OLFML2A: variants seen among roughly 807,000 people sequenced by gnomAD.
The protein encoded by OLFML2A is olfactomedin-like protein 2A.
A neutral mutation model predicts 60.9 loss-of-function variants in OLFML2A; 47 were observed. That is an observed-to-expected ratio of 0.77 (90% CI 0.61 to 0.98). The LOEUF is 0.98. Ranked by LOEUF, OLFML2A falls within the 50% of genes least tolerant of loss-of-function variation. The pLI is 0.00. For missense variants in OLFML2A, 922 were observed against 879.8 expected (o/e 1.05, Z -0.61); for synonymous variants, 372 against 375.0 (o/e 0.99, Z 0.09).
rs568584759 is a variant in OLFML2A, at chr9:124,779,554, G to T, written c.90+2194G>T. Among the ~76,000 whole-genome samples, 8 of 151,946 alleles carry T rather than the reference G, an allele frequency of 5.3e-5. No individual in the cohort carries two copies. The highest frequency in any genetic ancestry group is 1.2e-4 in the African/African-American group (5 of 41,356). ...GGTTGTGTGTGTGTGTGGTGGGGGG[G>T]GGGTGTTTAGCTGTCCCAGGACAAG... On this transcript the variant is annotated intron_variant, in intron 1 of 7. Transcript: ENST00000373580. The surrounding 1 kb of genome is among the most constrained non-coding windows in gnomAD (Gnocchi z 4.1).
intron 1 of OLFML2A, among the ~76,000 whole-genome samples, chr9:124,785,684 G>A (rs1841457449): frequency 1.3e-5 from 2 of 152,130 alleles, no homozygotes; most frequent in Admixed American, 6.5e-5. Flanking sequence ...ACAGGCATGA[G>A]CCACCGCGCC....
At chr9:124,781,779 G>A (rs1434529123) in intron 1 of OLFML2A, among the ~76,000 whole-genome samples, 26 of 147,878 alleles carry the variant, frequency 1.8e-4, no homozygotes, top group African/African-American at 6.5e-4. Flanking sequence ...GGGCAACAGA[G>A]CAAGAATCCG....
At chr9:124,800,300 A>T (rs1841749604) in intron 4 of OLFML2A, among the ~76,000 whole-genome samples, 1 of 152,228 alleles carries the variant, frequency 6.6e-6, no homozygotes, top group African/African-American at 2.4e-5. Flanking sequence ...ACCATTGTTC[A>T]CACTGGCCTT....
rs747415926 is a variant in OLFML2A, at chr9:124,787,222, C to T, written c.338C>T (p.Ala113Val). The stretch of plus-strand genomic sequence containing the variant: ...AAGATGGAGAAACTCAAAAAGCAGG[C>T]GCCCGAGCTCCTCAAGGTAGACTTG... The part of the protein sequence containing the change: ...EWKMEKLKKQ[A>V]PELLKLQSMV... The change falls in exon 2 of 8, where the codon GCG (alanine) becomes GTG (valine). Residue 113 changes from alanine (A) to valine (V), a missense_variant. Physicochemically the swap from Ala to Val is moderately conservative, Grantham distance 64. Transcript: ENST00000373580. The T allele has an allele frequency of 2.0e-5, 32 of 1,613,858 alleles. No homozygotes were observed. In the Middle Eastern group the frequency reaches 2.3e-3, roughly 116 times the overall value.
chr9:124,778,963 A>G, intron 1 of OLFML2A: 1 of 985,210 alleles, frequency 1.0e-6, no homozygotes, highest in Non-Finnish European at 1.2e-6. Context: ...ACGGACAGAT[A>G]AAAGACAGAA....
rs547130478 is a variant in OLFML2A, at chr9:124,807,718, C to T, written c.1169-63C>T. 45 of 1,325,170 alleles carry T rather than the reference C, an allele frequency of 3.4e-5. No individual in the cohort carries two copies. The South Asian group carries it at 4.5e-4, about 13-fold the overall frequency. 82.1% of individuals were successfully genotyped at this position (1,325,170 alleles called of 1,614,324 possible). ...TTAGACCCAGATAACATTCCCAGCC[C>T]GTTGCTCTGGCTGGGGGGCTTGGGG... On this transcript the variant is annotated intron_variant, in intron 6 of 7. Transcript: ENST00000373580.
At chr9:124,785,182 G>A (rs1009644895) in intron 1 of OLFML2A, among the ~76,000 whole-genome samples, 3 of 151,160 alleles carry the variant, frequency 2.0e-5, no homozygotes, top group African/African-American at 2.4e-5. Context: ...TCGAACTCCC[G>A]ACCTCAGGTG....
chr9:124,778,347 C>G (rs549857535), intron 1 of OLFML2A, among the ~76,000 whole-genome samples: 1 of 146,860 alleles, frequency 6.8e-6, no homozygotes, highest in African/African-American at 2.5e-5. Flanking sequence ...GGCGACAGAG[C>G]GAGACTCCGT....
At chr9:124,807,721 T>A in intron 6 of OLFML2A, 60 bp from the exon 7 acceptor site, 1 of 1,364,014 alleles carries the variant, frequency 7.3e-7, no homozygotes, top group Non-Finnish European at 9.9e-7. Context: ...CCCAGCCCGT[T>A]GCTCTGGCTG....
intron 1 of OLFML2A, among the ~76,000 whole-genome samples, chr9:124,783,317 CA>C (rs1841397815): frequency 6.6e-6 from 1 of 152,068 alleles, no homozygotes; most frequent in Non-Finnish European, 1.5e-5. Context: ...ACAAAAAATA[CA>C]AAAATTAGCC....
At chr9:124,784,200 T>C (rs903284828) in intron 1 of OLFML2A, among the ~76,000 whole-genome samples, 8 of 151,874 alleles carry the variant, frequency 5.3e-5, no homozygotes, top group East Asian at 1.9e-4. Flanking sequence ...TTTCTTTTTT[T>C]TTTTTTCTTT....
intron 2 of OLFML2A, among the ~76,000 whole-genome samples, chr9:124,791,552 C>T (rs933181216): frequency 3.4e-4 from 52 of 151,958 alleles, no homozygotes; most frequent in African/African-American, 1.2e-3. Context: ...GCCTGGCCAA[C>T]GTGACAAAAC....
intron 2 of OLFML2A, among the ~76,000 whole-genome samples, chr9:124,794,457 C>T (rs940653298): frequency 6.6e-6 from 1 of 152,158 alleles, no homozygotes; most frequent in Non-Finnish European, 1.5e-5. Flanking sequence ...TGGTATAACT[C>T]CTTAAAGCCC....
At chr9:124,793,524 T>C (rs1329771149) in intron 2 of OLFML2A, among the ~76,000 whole-genome samples, 4 of 152,158 alleles carry the variant, frequency 2.6e-5, no homozygotes, top group Non-Finnish European at 5.9e-5. Context: ...CTGCCGAATG[T>C]TGGGAAAGAG....
intron 2 of OLFML2A, among the ~76,000 whole-genome samples, chr9:124,794,537 C>A (rs1174264828): frequency 6.6e-6 from 1 of 152,050 alleles, no homozygotes; most frequent in Non-Finnish European, 1.5e-5. Flanking sequence ...TGATTATTAG[C>A]AGGCTGGGGC....
At chr9:124,787,295 G>A in intron 2 of OLFML2A, 57 bp downstream of exon 2, 1 of 1,532,082 alleles carries the variant, frequency 6.5e-7, no homozygotes, top group Non-Finnish European at 9.0e-7. Context: ...GGAGCCTGCT[G>A]TCCTGCCAGT....
chr9:124,795,046 T>C lies in OLFML2A; in HGVS notation c.377T>C (p.Leu126Pro). 4.4e-6 allele frequency: 7 copies of C among 1,606,344 alleles called. No homozygotes were observed. Among genetic ancestry groups the C allele is most frequent in the Non-Finnish European group, 6.0e-6 (7 of 1,175,852 alleles). The change falls in exon 3 of 8, where the codon CTG becomes CCG. Residue 126 changes from leucine to proline, a missense_variant. By Grantham distance (98) the Leu-to-Pro change is moderately conservative (BLOSUM62 -3). Coordinates refer to ENST00000373580, the MANE Select transcript of OLFML2A (RefSeq NM_182487.4). ...LLKLQSMVDLLEGTLYSMDLM... is the reference protein window; with the variant it reads ...LLKLQSMVDLPEGTLYSMDLM... ...CAGCTGCAGTCCATGGTGGATCTCC[T>C]GGAGGGCACCCTGTACAGCATGGAC...
intron 2 of OLFML2A, among the ~76,000 whole-genome samples, chr9:124,790,286 C>T (rs1841547070): frequency 6.6e-6 from 1 of 152,140 alleles, no homozygotes; most frequent in Non-Finnish European, 1.5e-5. Flanking sequence ...ATTCTCATCT[C>T]AGCCTCCTGA....
intron 2 of OLFML2A, among the ~76,000 whole-genome samples, chr9:124,791,628 C>T (rs1841569144): frequency 2.0e-5 from 3 of 150,118 alleles, no homozygotes; most frequent in Admixed American, 1.3e-4. Flanking sequence ...ATCCCAGCTA[C>T]TTGGGAGGCT....
Sources: gnomAD v4.1 joint callset for allele counts (sites outside exome capture counted in the v4.1 genomes callset) on GRCh38, gnomAD v4.1.1 for gene constraint, Gnocchi (gnomAD v3.1) non-coding constraint, MANE v1.5 for transcripts, NCBI Gene and HGNC (gene_info 2026-07-23, HGNC 2026-07-21) for gene names.